KCNG3: variants seen among roughly 807,000 people sequenced by gnomAD.
The protein encoded by KCNG3 is potassium voltage-gated channel modifier subfamily G member 3, also known as voltage-gated potassium channel regulatory subunit KCNG3.
Under a neutral mutation model 29.0 loss-of-function variants are expected in KCNG3, and 15 were observed. The observed-to-expected ratio is 0.52, with a 90% CI of 0.35 to 0.80. KCNG3 has a LOEUF of 0.80. Among genes scored for constraint, KCNG3 ranks in the 30% least tolerant of loss-of-function variants. KCNG3 has a pLI of 0.01. For synonymous variants in KCNG3, 322 were observed against 248.9 expected, an observed-to-expected ratio of 1.29 and a Z score of -2.76; for missense variants, 512 against 605.7, an observed-to-expected ratio of 0.85 and a Z score of 1.62.
At chr2:42,397,408 G>C in the KCNG3 span, among the ~76,000 whole-genome samples, 6 of 152,130 alleles carry the variant, frequency 3.9e-5, no homozygotes, top group African/African-American at 1.4e-4. Flanking sequence ...ACACACCATA[G>C]ACAAATAAGC....
chr2:42,409,718 AAAAAAAAAAAAT>A, the KCNG3 span, among the ~76,000 whole-genome samples: 18 of 148,952 alleles, frequency 1.2e-4, 1 homozygote, highest in African/African-American at 3.0e-4. Flanking sequence ...AAAAAAAAAA[AAAAAAAAAAAAT>A]TTTTTTTTAA....
intron 1 of KCNG3, among the ~76,000 whole-genome samples, chr2:42,466,777 G>C (rs1021458834): frequency 4.8e-5 from 7 of 147,130 alleles, no homozygotes; most frequent in Admixed American, 1.4e-4. Flanking sequence ...TTTTGAGATG[G>C]AGTCTCGCTC....
chr2:42,417,126 C>T, the KCNG3 span, among the ~76,000 whole-genome samples: 4 of 152,034 alleles, frequency 2.6e-5, no homozygotes, highest in African/African-American at 9.7e-5. Flanking sequence ...GCCTGTAATC[C>T]CAGCTGCCTG....
chr2:42,406,826 CAAA>C, the KCNG3 span, among the ~76,000 whole-genome samples: 20 of 113,628 alleles, frequency 1.8e-4, no homozygotes, highest in Admixed American at 3.5e-4. Context: ...GACTCCTTCT[CAAA>C]AAAAAAAAAA....
intron 1 of KCNG3, among the ~76,000 whole-genome samples, chr2:42,479,223 C>G (rs1377022244): frequency 6.6e-6 from 1 of 152,158 alleles, no homozygotes; most frequent in Non-Finnish European, 1.5e-5. Flanking sequence ...AACTTTCTTT[C>G]TCTAGGATAG....
At chr2:42,397,486 C>T in the KCNG3 span, among the ~76,000 whole-genome samples, 2 of 151,882 alleles carry the variant, frequency 1.3e-5, no homozygotes, top group African/African-American at 4.8e-5. Context: ...ATACATATGC[C>T]TATTATATAT....
At position 42,442,588 on chromosome 2, in the gene KCNG3, T is replaced by A. The variant is rs1043218807; in HGVS notation, c.*1346A>T. 1 of 152,232 alleles carries A rather than the reference T, an allele frequency of 6.6e-6. No homozygotes were observed. Among genetic ancestry groups the A allele is most frequent in the Non-Finnish European group, 1.5e-5 (1 of 68,038 alleles). 9.4% of individuals were successfully genotyped at this position (152,232 alleles called of 1,614,324 possible). ...ACCCACCACTTCCCAATCCCTGTCT[T>A]CTCTACCTCTGACAAAATTACTGTG... On this transcript the variant is annotated 3_prime_UTR_variant, in exon 2 of 2. Transcript: ENST00000306078.
intron 1 of KCNG3, chr2:42,463,976 C>G (rs1407108999): frequency 9.5e-6 from 3 of 314,892 alleles, no homozygotes; most frequent in Non-Finnish European, 1.9e-5. Context: ...CCAAGATCAG[C>G]GTACGTGGGA....
Position 42,493,824 on chromosome 2 carries a change from G to A in KCNG3, c.-323C>T. 4.4e-6 allele frequency: 1 copy of A among 229,762 alleles called. No individual in the cohort carries two copies. Among genetic ancestry groups the A allele is most frequent in the Non-Finnish European group, 8.4e-6 (1 of 118,450 alleles). The allele number at this position is 229,762 out of a possible 1,614,324, so 14.2% of individuals were successfully genotyped here. ...CTCGCGCCCGAGGGCTGCGCACACC[G>A]AGGCCGCGGTGCCCTCTCCCAAGCC... On this transcript the variant is annotated 5_prime_UTR_variant, in exon 1 of 2. Coordinates refer to ENST00000306078, the MANE Select transcript of KCNG3 (RefSeq NM_133329.6).
chr2:42,421,738 G>C, the KCNG3 span, among the ~76,000 whole-genome samples: 1 of 152,146 alleles, frequency 6.6e-6, no homozygotes, highest in Non-Finnish European at 1.5e-5. Context: ...AAAAAACCCA[G>C]AGAAAACATC....
chr2:42,487,313 T>C (rs192268577), intron 1 of KCNG3, among the ~76,000 whole-genome samples: 18 of 150,694 alleles, frequency 1.2e-4, no homozygotes, highest in Admixed American at 2.7e-4. Flanking sequence ...GCAACTAATA[T>C]CATAAAAAGA....
chr2:42,405,461 C>T, the KCNG3 span, among the ~76,000 whole-genome samples: 10 of 148,828 alleles, frequency 6.7e-5, no homozygotes, highest in Non-Finnish European at 1.5e-4. Flanking sequence ...TTTTTTGAGA[C>T]GGCGTCTCAC....
the KCNG3 span, chr2:42,424,700 T>G: frequency 1.3e-5 from 2 of 152,208 alleles, no homozygotes; most frequent in East Asian, 3.8e-4. Flanking sequence ...AAGTGTTACC[T>G]GACGAATGGG....
chr2:42,469,222 G>A (rs979621641), intron 1 of KCNG3, among the ~76,000 whole-genome samples: 1 of 151,846 alleles, frequency 6.6e-6, no homozygotes, highest in African/African-American at 2.4e-5. Context: ...GTGGAGACCA[G>A]CCTGGCCAAC....
the KCNG3 span, among the ~76,000 whole-genome samples, chr2:42,412,987 G>A: frequency 7.9e-5 from 12 of 151,778 alleles, no homozygotes. Context: ...ACCCATGCTA[G>A]AGTGCAGGCA....
intron 1 of KCNG3, 114 bp downstream of exon 1, chr2:42,492,723 C>A: frequency 9.9e-7 from 1 of 1,010,670 alleles, no homozygotes; most frequent in Non-Finnish European, 1.3e-6. Context: ...TCGCTGGGCG[C>A]GCACCCCGCT....
At chr2:42,477,139 C>G (rs1426172495) in intron 1 of KCNG3, among the ~76,000 whole-genome samples, 1 of 147,474 alleles carries the variant, frequency 6.8e-6, no homozygotes, top group Non-Finnish European at 1.5e-5. Flanking sequence ...TTGCAGGGAG[C>G]TGAGATTACG....
the KCNG3 span, among the ~76,000 whole-genome samples, chr2:42,426,931 G>C: frequency 2.4e-4 from 36 of 152,282 alleles, no homozygotes; most frequent in African/African-American, 8.4e-4. Flanking sequence ...AACCAAGAAA[G>C]TGAGGTATAA....
chr2:42,457,713 G>A (rs1223324884), intron 1 of KCNG3, among the ~76,000 whole-genome samples: 1 of 150,340 alleles, frequency 6.7e-6, no homozygotes, highest in Non-Finnish European at 1.5e-5. Context: ...AACACTGGGA[G>A]GGCAAGGCAG....
Sources: gnomAD v4.1 joint callset for allele counts (sites outside exome capture counted in the v4.1 genomes callset) on GRCh38, gnomAD v4.1.1 for gene constraint, MANE v1.5 for transcripts, NCBI Gene and HGNC (gene_info 2026-07-23, HGNC 2026-07-21) for gene names.